Variants in PDZD2 observed in about 807,000 individuals in gnomAD.
PDZD2 encodes PDZ domain containing 2.
In PDZD2, 90 loss-of-function variants were observed where a neutral mutation model predicts 220.7. That is an observed-to-expected ratio of 0.41 (90% CI 0.34 to 0.49). The LOEUF is 0.49. Among genes scored for constraint, PDZD2 ranks in the 20% least tolerant of loss-of-function variants. The pLI is 0.28. For synonymous variants in PDZD2, 1,375 were observed against 1,450.5 expected (o/e 0.95, Z 1.18); for missense variants, 3,174 against 3,608.5 (o/e 0.88, Z 3.08).
At chr5:31,769,613 T>C (rs1382453202) in intron 1 of PDZD2, among the ~76,000 whole-genome samples, 1 of 152,242 alleles carries the variant, frequency 6.6e-6, no homozygotes, top group African/African-American at 2.4e-5. Flanking sequence ...TTGTTTCTCC[T>C]GATACTTTGA....
intron 1 of PDZD2, among the ~76,000 whole-genome samples, chr5:31,721,619 T>C (rs972377250): frequency 6.6e-6 from 1 of 151,612 alleles, no homozygotes; most frequent in Non-Finnish European, 1.5e-5. Flanking sequence ...CATGTATATA[T>C]TTATGGGCTA....
chr5:31,816,160 CG>C (rs1378331210), intron 2 of PDZD2, among the ~76,000 whole-genome samples: 1 of 151,670 alleles, frequency 6.6e-6, no homozygotes, highest in Admixed American at 6.6e-5. Flanking sequence ...TGGTGGCAGG[CG>C]CCTGTAGTCC....
At chr5:31,929,172 A>G (rs746327469) in intron 2 of PDZD2, among the ~76,000 whole-genome samples, 24 of 152,144 alleles carry the variant, frequency 1.6e-4, no homozygotes, top group Middle Eastern at 3.4e-3. Context: ...TAGAAAGGGC[A>G]TGTTGGCTCC....
intron 6 of PDZD2, among the ~76,000 whole-genome samples, chr5:32,013,036 A>G (rs1010795011): frequency 6.6e-6 from 1 of 152,126 alleles, no homozygotes; most frequent in Admixed American, 6.6e-5. Flanking sequence ...ATAGCCATCT[A>G]TAACATTTTG....
chr5:31,956,261 G>A (rs979129637), intron 2 of PDZD2, among the ~76,000 whole-genome samples: 5 of 150,892 alleles, frequency 3.3e-5, no homozygotes, highest in Non-Finnish European at 5.9e-5. Flanking sequence ...CTTCCGTTCC[G>A]TTAATATTTG....
At chr5:32,024,912 A>G (rs1354867042) in intron 6 of PDZD2, among the ~76,000 whole-genome samples, 2 of 152,222 alleles carry the variant, frequency 1.3e-5, no homozygotes, top group Non-Finnish European at 2.9e-5. Context: ...ACTGTGTTCC[A>G]GTAAAACTTG....
At chr5:31,670,741 C>T (rs1746185381) in intron 1 of PDZD2, among the ~76,000 whole-genome samples, 1 of 152,026 alleles carries the variant, frequency 6.6e-6, no homozygotes, top group Non-Finnish European at 1.5e-5. Flanking sequence ...TCTTTTAAAG[C>T]AGACCTTGAG....
At chr5:31,894,106 T>A (rs919798241) in intron 2 of PDZD2, among the ~76,000 whole-genome samples, 2 of 137,806 alleles carry the variant, frequency 1.5e-5, no homozygotes, top group Non-Finnish European at 3.1e-5. Context: ...AGAGACAGGG[T>A]TTCACCATGT....
chr5:32,001,355 T>C (rs1210189486), intron 5 of PDZD2, among the ~76,000 whole-genome samples: 1 of 152,224 alleles, frequency 6.6e-6, no homozygotes, highest in Non-Finnish European at 1.5e-5. Context: ...AGCCTGTGGC[T>C]TCTGCTCTCA....
At chr5:31,985,926 C>T (rs4867099) in intron 3 of PDZD2, among the ~76,000 whole-genome samples, 99,974 of 151,078 alleles carry the variant, frequency 0.66, 33,978 homozygotes, top group Middle Eastern at 0.77. Flanking sequence ...AAATACAAAA[C>T]TAGCCGGGCA....
intron 2 of PDZD2, among the ~76,000 whole-genome samples, chr5:31,849,664 T>C (rs1317783509): frequency 1.3e-5 from 2 of 151,646 alleles, no homozygotes; most frequent in African/African-American, 4.8e-5. Context: ...ACCAACATGG[T>C]GAAACTCTGT....
intron 1 of PDZD2, among the ~76,000 whole-genome samples, chr5:31,756,809 C>T (rs920028593): frequency 2.0e-5 from 3 of 152,232 alleles, no homozygotes; most frequent in East Asian, 1.9e-4. Context: ...CTAAGTTGGC[C>T]CTGCTGGGCG....
intron 19 of PDZD2, among the ~76,000 whole-genome samples, chr5:32,078,440 G>C (rs1040498910): frequency 9.2e-5 from 14 of 152,068 alleles, no homozygotes; most frequent in African/African-American, 2.7e-4. Context: ...GACCAGCCTG[G>C]CCAACATGGT....
At chr5:31,967,356 C>G (rs956895184) in intron 2 of PDZD2, among the ~76,000 whole-genome samples, 1 of 152,158 alleles carries the variant, frequency 6.6e-6, no homozygotes, top group African/African-American at 2.4e-5. Flanking sequence ...GGAGAGTGGC[C>G]GCCTTTTGGA....
chr5:31,659,016 C>T (rs1368710912), intron 1 of PDZD2, among the ~76,000 whole-genome samples: 11 of 152,256 alleles, frequency 7.2e-5, no homozygotes, highest in Admixed American at 4.6e-4. Flanking sequence ...CGTGTTCACC[C>T]GTGGTCCTCT....
intron 2 of PDZD2, among the ~76,000 whole-genome samples, chr5:31,801,567 T>C (rs188734850): frequency 6.6e-6 from 1 of 152,102 alleles, no homozygotes; most frequent in East Asian, 1.9e-4. Context: ...AGAAGGAAGA[T>C]CAGGGAGGGG....
intron 1 of PDZD2, among the ~76,000 whole-genome samples, chr5:31,689,373 T>TTTTTTTTA (rs1265439389): frequency 7.8e-6 from 1 of 127,514 alleles, no homozygotes; most frequent in African/African-American, 3.2e-5. Flanking sequence ...TTTTTTTTTT[T>TTTTTTTTA]AAGTCGAGAC....
At chr5:31,847,050 T>C (rs996926766) in intron 2 of PDZD2, among the ~76,000 whole-genome samples, 2 of 152,244 alleles carry the variant, frequency 1.3e-5, no homozygotes, top group Non-Finnish European at 2.9e-5. Context: ...ATTGTTGATA[T>C]ACAACAGCAC....
At chr5:32,023,174 G>A (rs1326155124) in intron 6 of PDZD2, among the ~76,000 whole-genome samples, 1 of 152,154 alleles carries the variant, frequency 6.6e-6, no homozygotes, top group Non-Finnish European at 1.5e-5. Context: ...CTGGCCCTAT[G>A]CAATATTTTG....
Sources: gnomAD v4.1 joint callset for allele counts (sites outside exome capture counted in the v4.1 genomes callset) on GRCh38, gnomAD v4.1.1 for gene constraint, MANE v1.5 for transcripts, NCBI Gene and HGNC (gene_info 2026-07-23, HGNC 2026-07-21) for gene names.